The following MSH3 variants were observed in gnomAD, a reference collection of about 807,000 sequenced individuals.
MSH3 encodes mutS homolog 3.
A neutral mutation model predicts 123.3 loss-of-function variants in MSH3; 106 were observed. The observed-to-expected ratio is 0.86, with a 90% CI of 0.73 to 1.01. The LOEUF is 1.01. Among genes scored for constraint, MSH3 ranks in the 50% least tolerant of loss-of-function variants. MSH3 has a pLI of 0.00. For missense variants in MSH3, 1,459 were observed against 1,347.6 expected (o/e 1.08, Z -1.29); for synonymous variants, 515 against 481.4 (o/e 1.07, Z -0.91).
intron 8 of MSH3, among the ~76,000 whole-genome samples, chr5:80,714,201 T>A (rs1452975981): frequency 7.6e-6 from 1 of 132,262 alleles, no homozygotes; most frequent in Non-Finnish European, 1.6e-5. Context: ...GGTGGTGCAA[T>A]CTTGGCTCAC....
intron 19 of MSH3, among the ~76,000 whole-genome samples, chr5:80,807,429 G>A (rs1744910517): frequency 6.6e-6 from 1 of 152,100 alleles, no homozygotes; most frequent in Non-Finnish European, 1.5e-5. Flanking sequence ...AAACAAATAA[G>A]ATTATTGGAT....
intron 10 of MSH3, among the ~76,000 whole-genome samples, chr5:80,738,922 C>T (rs929531411): frequency 6.6e-6 from 1 of 152,174 alleles, no homozygotes; most frequent in African/African-American, 2.4e-5. Flanking sequence ...GTCCCTCCTC[C>T]ATGTGAAGAC....
intron 20 of MSH3, among the ~76,000 whole-genome samples, chr5:80,827,921 T>G (rs534376075): frequency 5.9e-5 from 9 of 152,212 alleles, no homozygotes; most frequent in Admixed American, 5.2e-4. Context: ...TCAGAGCAGT[T>G]TTAGGCTTAC....
At chr5:80,840,650 G>A (rs1479447230) in intron 20 of MSH3, among the ~76,000 whole-genome samples, 1 of 152,018 alleles carries the variant, frequency 6.6e-6, no homozygotes, top group Non-Finnish European at 1.5e-5. Flanking sequence ...CAACGTACAG[G>A]TTTGTTACAT....
chr5:80,678,983 T>C lies in MSH3; in HGVS notation c.1230T>C (p.Ser410=), dbSNP rs2112819025. The C allele has an allele frequency of 6.2e-7, 1 of 1,614,172 alleles. No homozygotes were observed. The highest frequency in any genetic ancestry group is 8.5e-7 in the Non-Finnish European group (1 of 1,180,002). Residue 410 remains serine, a synonymous_variant, in exon 8 of 24, where the codon TCT becomes TCC. Transcript: ENST00000265081. ...VVFDSFQDSA[S]RSELETRMSS... The stretch of plus-strand genomic sequence containing the variant: ...TTGATAGTTTCCAGGACTCTGCTTC[T>C]CGTTCAGAGCTAGAAACCCGGATGT...
rs780280080 is a variant in MSH3 at position 80,762,775 on chromosome 5, AATT to A, written c.1896+1098_1896+1100del. 5.3e-3 allele frequency among the ~76,000 whole-genome samples: 452 copies of A among 85,134 alleles called. 2 individuals are homozygous for A. The highest frequency in any genetic ancestry group is 0.017 in the African/African-American group (385 of 22,590). 55.9% of individuals were successfully genotyped at this position (85,134 alleles called of 152,430 possible). A position where few individuals can be genotyped will look rare whatever the true frequency, so the allele number is the denominator to read the frequency against. ...ATTTTGTTTTATTTTATTTTATTTT[AATT>A]TTTTATTTTATTTTATGTTATGTTA... is the stretch of plus-strand genomic sequence containing the variant. On this transcript the variant is annotated intron_variant, in intron 13 of 23. Coordinates refer to ENST00000265081, the MANE Select transcript of MSH3 (RefSeq NM_002439.5).
intron 8 of MSH3, among the ~76,000 whole-genome samples, chr5:80,683,896 T>G (rs1038714350): frequency 7.3e-5 from 11 of 150,534 alleles, no homozygotes; most frequent in African/African-American, 2.7e-4. Flanking sequence ...GTTTCATTGT[T>G]CTGCATATGG....
intron 10 of MSH3, among the ~76,000 whole-genome samples, chr5:80,737,523 C>T (rs1386602440): frequency 6.6e-6 from 1 of 152,116 alleles, no homozygotes; most frequent in Non-Finnish European, 1.5e-5. Flanking sequence ...TGAATTCTAG[C>T]CAGATGTTGT....
chr5:80,796,684 G>A (rs760264328), intron 19 of MSH3, among the ~76,000 whole-genome samples: 37 of 152,230 alleles, frequency 2.4e-4, no homozygotes, highest in African/African-American at 2.6e-4. Context: ...TCTGTATTCT[G>A]TATTACATGA....
intron 8 of MSH3, among the ~76,000 whole-genome samples, chr5:80,708,941 AT>A (rs1750782138): frequency 6.6e-6 from 1 of 151,734 alleles, no homozygotes; most frequent in South Asian, 2.1e-4. Flanking sequence ...TGTCTGGCTA[AT>A]TTTTGTATTT....
intron 20 of MSH3, among the ~76,000 whole-genome samples, chr5:80,843,190 A>T (rs916384714): frequency 1.3e-5 from 2 of 151,848 alleles, no homozygotes; most frequent in African/African-American, 4.9e-5. Context: ...GGTTCTGTTT[A>T]TGTTTCGGAT....
At chr5:80,790,553 A>G (rs563619683) in intron 18 of MSH3, among the ~76,000 whole-genome samples, 1 of 152,190 alleles carries the variant, frequency 6.6e-6, no homozygotes, top group Non-Finnish European at 1.5e-5. Context: ...TGTTTCAACT[A>G]TAATATAAAA....
intron 8 of MSH3, among the ~76,000 whole-genome samples, chr5:80,693,620 CAT>C (rs968670331): frequency 5.3e-5 from 5 of 94,216 alleles, no homozygotes; most frequent in Non-Finnish European, 1.1e-4. Context: ...TACACACACA[CAT>C]ATACACACAC....
intron 12 of MSH3, among the ~76,000 whole-genome samples, chr5:80,759,489 T>C (rs564873772): frequency 7.2e-5 from 11 of 152,300 alleles, no homozygotes; most frequent in South Asian, 6.2e-4. Flanking sequence ...TTGAAAGATA[T>C]GCAGTCTGAC....
At chr5:80,672,189 A>C in intron 4 of MSH3, 55 bp from the exon 5 acceptor site, 2 of 1,251,748 alleles carry the variant, frequency 1.6e-6, no homozygotes, top group Non-Finnish European at 1.2e-6. Context: ...AACCAACATC[A>C]CATAGGGAAT....
At chr5:80,725,399 A>T in intron 8 of MSH3, 54 bp from the exon 9 acceptor site, 1 of 1,206,082 alleles carries the variant, frequency 8.3e-7, no homozygotes, top group Non-Finnish European at 1.2e-6. Context: ...CCTAAATACC[A>T]GCATTTCATG....
At chr5:80,837,743 C>G (rs992380133) in intron 20 of MSH3, among the ~76,000 whole-genome samples, 2 of 152,152 alleles carry the variant, frequency 1.3e-5, no homozygotes, top group Non-Finnish European at 2.9e-5. Context: ...TTGAGCAACA[C>G]ACATTTATTA....
At chr5:80,793,208 A>G (rs1038122417) in intron 19 of MSH3, among the ~76,000 whole-genome samples, 2 of 152,218 alleles carry the variant, frequency 1.3e-5, no homozygotes, top group Admixed American at 6.5e-5. Context: ...CAGATATTCT[A>G]TGCAAGAATC....
At chr5:80,863,099 A>T (rs559570355) in intron 21 of MSH3, among the ~76,000 whole-genome samples, 29 of 152,230 alleles carry the variant, frequency 1.9e-4, no homozygotes, top group Non-Finnish European at 3.8e-4. Context: ...CAAATTTGGC[A>T]TCCCCAGTTA....
Sources: gnomAD v4.1 joint callset for allele counts (sites outside exome capture counted in the v4.1 genomes callset) on GRCh38, gnomAD v4.1.1 for gene constraint, MANE v1.5 for transcripts, NCBI Gene and HGNC (gene_info 2026-07-23, HGNC 2026-07-21) for gene names.